TFAP2D: variants seen among roughly 807,000 people sequenced by gnomAD.
TFAP2D encodes the protein transcription factor AP-2 delta.
TFAP2D carries 9 observed loss-of-function variants against 43.6 expected under a neutral mutation model. The observed-to-expected ratio is 0.21, with a 90% CI of 0.12 to 0.36. The LOEUF (loss-of-function observed/expected upper bound fraction) is 0.36. TFAP2D is among the 10% of genes least tolerant of loss of function. The pLI is 1.00. For synonymous variants in TFAP2D, 256 were observed against 224.9 expected (o/e 1.14, Z -1.24); for missense variants, 513 against 561.4 (o/e 0.91, Z 0.87).
At position 50,746,412 on chromosome 6, in the gene TFAP2D, A is replaced by AT. The variant is rs963877963; in HGVS notation, c.1025+1170dup. Among the ~76,000 whole-genome samples the AT allele has an allele frequency of 2.0e-5, 3 of 151,668 alleles. No homozygotes were observed. In the South Asian group the frequency reaches 6.2e-4, roughly 32 times the overall value. On this transcript the variant is annotated intron_variant, in intron 6 of 7. Transcript: ENST00000008391. Reference sequence around the variant, plus strand: ...GCCAGCACACCCACCTGGTTTTTGTATTTTTTATAAAGATGCATTTTTGCC... The same window carrying AT: ...GCCAGCACACCCACCTGGTTTTTGTATTTTTTTATAAAGATGCATTTTTGCC...
At chr6:50,716,765 C>G (rs1193339330) in intron 2 of TFAP2D, among the ~76,000 whole-genome samples, 1 of 152,278 alleles carries the variant, frequency 6.6e-6, no homozygotes, top group East Asian at 1.9e-4. Flanking sequence ...AGCTGGCCAC[C>G]TTCTTCACAC....
At chr6:50,764,605 T>TA (rs1769415537) in intron 7 of TFAP2D, among the ~76,000 whole-genome samples, 1 of 152,094 alleles carries the variant, frequency 6.6e-6, no homozygotes, top group Non-Finnish European at 1.5e-5. Context: ...TAAACGTAAA[T>TA]AAAACTGTTT....
chr6:50,751,602 T>C (rs1769201742), intron 7 of TFAP2D, among the ~76,000 whole-genome samples: 1 of 151,928 alleles, frequency 6.6e-6, no homozygotes, highest in Non-Finnish European at 1.5e-5. Flanking sequence ...CGTCTCCATT[T>C]TCTCCCACAT....
chr6:50,714,672 T>C (rs1419481831), intron 1 of TFAP2D, among the ~76,000 whole-genome samples: 1 of 152,118 alleles, frequency 6.6e-6, no homozygotes, highest in Non-Finnish European at 1.5e-5. Flanking sequence ...TGCTGGGGTC[T>C]AGTTAGAGTG....
intron 7 of TFAP2D, among the ~76,000 whole-genome samples, chr6:50,768,273 C>CTTT (rs67686384): frequency 5.2e-5 from 4 of 77,282 alleles, no homozygotes; most frequent in African/African-American, 5.0e-5. Context: ...TTCTAATTTT[C>CTTT]TTTTTTTTTT....
intron 3 of TFAP2D, among the ~76,000 whole-genome samples, chr6:50,722,603 A>AAT (rs1392202231): frequency 3.3e-5 from 5 of 151,946 alleles, no homozygotes; most frequent in African/African-American, 1.2e-4. Flanking sequence ...CTGAGTATTT[A>AAT]ATAATAAGTG....
At chr6:50,755,321 A>G (rs552226065) in intron 7 of TFAP2D, among the ~76,000 whole-genome samples, 22 of 152,096 alleles carry the variant, frequency 1.4e-4, no homozygotes, top group Non-Finnish European at 1.5e-4. Context: ...GAATATGTTA[A>G]CAATAGGATA....
chr6:50,719,776 G>A (rs1242213120), intron 3 of TFAP2D, among the ~76,000 whole-genome samples: 2 of 152,124 alleles, frequency 1.3e-5, no homozygotes, highest in African/African-American at 4.8e-5. Flanking sequence ...TAACTGTACT[G>A]GATAAAGCTT....
chr6:50,729,173 T>A (rs1316328027), intron 4 of TFAP2D, 21 bp from the exon 5 acceptor site: 1 of 1,607,498 alleles, frequency 6.2e-7, no homozygotes, highest in Non-Finnish European at 8.5e-7. Context: ...CAAAACCTAG[T>A]TTTTGTTTGT....
chr6:50,718,532 T>C (rs140236339), intron 2 of TFAP2D, among the ~76,000 whole-genome samples: 1 of 152,326 alleles, frequency 6.6e-6, no homozygotes, highest in Admixed American at 6.5e-5. Flanking sequence ...CTCAATCCAT[T>C]AGGACTTTGA....
intron 2 of TFAP2D, 142 bp downstream of exon 2, chr6:50,715,755 A>ACG: frequency 8.5e-6 from 6 of 704,242 alleles, no homozygotes; most frequent in South Asian, 7.8e-5. Flanking sequence ...TCTCTCACAC[A>ACG]CACACACACA....
At chr6:50,725,041 T>C (rs1258776357) in intron 3 of TFAP2D, among the ~76,000 whole-genome samples, 1 of 152,178 alleles carries the variant, frequency 6.6e-6, no homozygotes, top group African/African-American at 2.4e-5. Flanking sequence ...AAATTCTTAC[T>C]TGTAGCCCGG....
intron 7 of TFAP2D, among the ~76,000 whole-genome samples, chr6:50,763,647 T>G (rs1357883990): frequency 6.6e-6 from 1 of 151,980 alleles, no homozygotes; most frequent in Non-Finnish European, 1.5e-5. Context: ...TTGTCATAAA[T>G]CCATTCAATG....
At chr6:50,754,229 C>A (rs1378598563) in intron 7 of TFAP2D, among the ~76,000 whole-genome samples, 3 of 151,776 alleles carry the variant, frequency 2.0e-5, no homozygotes, top group Non-Finnish European at 2.9e-5. Context: ...ACAGTATTTG[C>A]CTTTTTGTAA....
At chr6:50,756,462 G>C (rs1241771575) in intron 7 of TFAP2D, among the ~76,000 whole-genome samples, 2 of 151,978 alleles carry the variant, frequency 1.3e-5, no homozygotes, top group East Asian at 3.9e-4. Context: ...TACCTTATAG[G>C]TTGGCTGATT....
At chr6:50,732,894 T>C (rs774226701) in intron 5 of TFAP2D, among the ~76,000 whole-genome samples, 2 of 152,094 alleles carry the variant, frequency 1.3e-5, no homozygotes, top group Non-Finnish European at 2.9e-5. Flanking sequence ...ATATTCCTTT[T>C]AAATGGAGTC....
At chr6:50,741,475 C>T (rs574751602) in intron 5 of TFAP2D, among the ~76,000 whole-genome samples, 44 of 152,104 alleles carry the variant, frequency 2.9e-4, no homozygotes, top group African/African-American at 1.0e-3. Context: ...ATGTGTTGCT[C>T]CTTTCTATGT....
chr6:50,719,501 G>GAAAGAAAGAAAGA lies in TFAP2D; in HGVS notation c.598+353_598+354insAGAAAGAAAGAAA, dbSNP rs3835214. 6.9e-3 allele frequency among the ~76,000 whole-genome samples: 922 copies of GAAAGAAAGAAAGA among 133,562 alleles called. 7 individuals carry two copies. The highest frequency in any genetic ancestry group is 0.014 in the East Asian group (61 of 4,508). 87.6% of individuals were successfully genotyped at this position (133,562 alleles called of 152,430 possible). A position where few individuals can be genotyped will look rare whatever the true frequency, so the allele number is the denominator to read the frequency against. On this transcript the variant is annotated intron_variant, in intron 3 of 7. Transcript: ENST00000008391. Reference sequence around the variant, plus strand: ...AGAAAGAAAGAAAGAAAGAAAGAAAGAAGTTTCTCACACCCTCTTCCCCCA... The same window carrying GAAAGAAAGAAAGA: ...AGAAAGAAAGAAAGAAAGAAAGAAAGAAAGAAAGAAAGAAAGTTTCTCACACCCTCTTCCCCCA...
chr6:50,715,036 C>T (rs994331199), intron 1 of TFAP2D, 80 bp from the exon 2 acceptor site: 71 of 1,541,832 alleles, frequency 4.6e-5, no homozygotes, highest in Middle Eastern at 2.0e-4. Flanking sequence ...AAGCTCCTGG[C>T]TCCGGGAGAG....
Sources: gnomAD v4.1 joint callset for allele counts (sites outside exome capture counted in the v4.1 genomes callset) on GRCh38, gnomAD v4.1.1 for gene constraint, MANE v1.5 for transcripts, NCBI Gene and HGNC (gene_info 2026-07-23, HGNC 2026-07-21) for gene names.